ZMYM4: variants seen among roughly 807,000 people sequenced by gnomAD.
ZMYM4 encodes zinc finger MYM-type containing 4.
ZMYM4 carries 31 observed loss-of-function variants against 183.2 expected under a neutral mutation model. That is an observed-to-expected ratio of 0.17 (90% CI 0.13 to 0.23). The LOEUF (loss-of-function observed/expected upper bound fraction) is 0.23, where lower values mean the gene tolerates loss of function less well. ZMYM4 is among the 10% of genes least tolerant of loss of function. The pLI, the probability that ZMYM4 is intolerant of heterozygous loss-of-function variation, is 1.00. For missense variants in ZMYM4, 1,273 were observed against 1,840.3 expected, an observed-to-expected ratio of 0.69 and a Z score of 5.64; for synonymous variants, 592 against 631.2, an observed-to-expected ratio of 0.94 and a Z score of 0.93.
rs1377061881 is a variant in ZMYM4, at chr1:35,389,076, C to A, written c.2430C>A (p.Phe810Leu). The change falls in exon 14 of 30, where the codon TTC becomes TTA. Residue 810 changes from phenylalanine (F) to leucine (L), a missense_variant. Coordinates refer to ENST00000314607, the MANE Select transcript of ZMYM4 (RefSeq NM_005095.3). This position sits in a 1 kb window ranked among gnomAD's most constrained non-coding sequence, Gnocchi z 4.0. ...GCATGTCCAAATATACAGTTTTGTT[C>A]TATCAGGTAAATAGAATTCACATTC... is the stretch of plus-strand genomic sequence containing the variant. ...EECMSKYTVL[F>L]YQMAKCDACK... 1.2e-6 allele frequency: 2 copies of A among 1,612,074 alleles called. No individual in the cohort carries two copies. The highest frequency in any genetic ancestry group is 1.1e-5 in the South Asian group (1 of 90,782).
At chr1:35,383,504 C>T (rs909036715) in intron 9 of ZMYM4, among the ~76,000 whole-genome samples, 11 of 151,966 alleles carry the variant, frequency 7.2e-5, no homozygotes, top group African/African-American at 2.4e-4. Context: ...AATGTGAAAA[C>T]ACACTATAAT....
chr1:35,365,682 A>C (rs1280110277), intron 5 of ZMYM4, among the ~76,000 whole-genome samples: 1 of 152,236 alleles, frequency 6.6e-6, no homozygotes, highest in African/African-American at 2.4e-5. Flanking sequence ...CATTTGTAGT[A>C]AACTAAGAAG....
rs1303096158 is a variant in ZMYM4 at position 35,359,076 on chromosome 1, T to G, written c.237T>G (p.Leu79=). 6.2e-7 allele frequency: 1 copy of G among 1,613,790 alleles called. No individual in the cohort carries two copies. The highest frequency in any genetic ancestry group is 2.2e-5 in the East Asian group (1 of 44,848). The change falls in exon 3 of 30, where the codon CTT becomes CTG. Residue 79 remains leucine, a synonymous_variant. Transcript: ENST00000314607. ...EDDYFLNSGD[L]AGIPVVGSDN... ...ATTATTTTTTGAACTCTGGGGATCT[T>G]GCAGGAATTCCAGTCGTTGGTAGTG...
intron 1 of ZMYM4, among the ~76,000 whole-genome samples, chr1:35,301,593 A>G (rs948468045): frequency 6.6e-6 from 1 of 151,564 alleles, no homozygotes; most frequent in Non-Finnish European, 1.5e-5. Flanking sequence ...TTGATGGAAC[A>G]TGAACTATTT....
At chr1:35,385,404 A>G in intron 9 of ZMYM4, 38 bp from the exon 10 acceptor site, 3 of 1,578,326 alleles carry the variant, frequency 1.9e-6, no homozygotes, top group Non-Finnish European at 1.7e-6. Context: ...TTTACTAGGA[A>G]TTTGTTAAAA....
rs1280618708 is a variant in ZMYM4, at chr1:35,419,451, T to A, written c.4440-19T>A. The stretch of plus-strand genomic sequence containing the variant: ...TTCTAATTTTCTTTTTTCTCTTTTT[T>A]TTTTTCCCCTGTGGATAGTTCTGAA... On this transcript the variant is annotated intron_variant, in intron 29 of 29. Transcript: ENST00000314607. 6.2e-7 allele frequency: 1 copy of A among 1,605,650 alleles called. No individual in the cohort carries two copies. Among genetic ancestry groups the A allele is most frequent in the Admixed American group, 1.7e-5 (1 of 57,658 alleles).
intron 1 of ZMYM4, among the ~76,000 whole-genome samples, chr1:35,269,393 C>G (rs1639482095): frequency 3.8e-5 from 1 of 26,496 alleles, no homozygotes; most frequent in African/African-American, 5.3e-5. Context: ...TTAAGTGCAT[C>G]TTTAGTGCAT....
chr1:35,364,948 A>C (rs1644032996), intron 5 of ZMYM4, among the ~76,000 whole-genome samples: 1 of 152,182 alleles, frequency 6.6e-6, no homozygotes, highest in African/African-American at 2.4e-5. Context: ...TGGATTTGCC[A>C]GTCATTGTCC....
intron 27 of ZMYM4, among the ~76,000 whole-genome samples, chr1:35,414,439 T>G (rs1447461656): frequency 6.6e-6 from 1 of 152,216 alleles, no homozygotes; most frequent in Non-Finnish European, 1.5e-5. Context: ...TTAAGAGAGT[T>G]AAGTCCTCGT....
At chr1:35,355,387 C>T (rs910543116) in intron 2 of ZMYM4, among the ~76,000 whole-genome samples, 2 of 152,072 alleles carry the variant, frequency 1.3e-5, no homozygotes, top group African/African-American at 4.8e-5. Flanking sequence ...CATTACCAAC[C>T]TGCTGTGTGA....
At chr1:35,377,094 A>G (rs564377918) in intron 7 of ZMYM4, among the ~76,000 whole-genome samples, 2 of 151,790 alleles carry the variant, frequency 1.3e-5, no homozygotes, top group South Asian at 4.2e-4. Flanking sequence ...TATAGTAGAG[A>G]CGGGGTTTCG....
At chr1:35,352,269 G>GCGCACACACA (rs1366886543) in intron 2 of ZMYM4, among the ~76,000 whole-genome samples, 4 of 124,526 alleles carry the variant, frequency 3.2e-5, no homozygotes, top group South Asian at 5.2e-4. Context: ...ACGCGCGCGC[G>GCGCACACACA]CACACACACA....
chr1:35,332,478 A>G (rs1004485191), intron 2 of ZMYM4, among the ~76,000 whole-genome samples: 2 of 150,648 alleles, frequency 1.3e-5, no homozygotes, highest in Admixed American at 6.6e-5. Context: ...AGTTGACTGA[A>G]TGGCTTGATG....
At chr1:35,414,618 G>A (rs1484953477) in intron 27 of ZMYM4, among the ~76,000 whole-genome samples, 1 of 152,206 alleles carries the variant, frequency 6.6e-6, no homozygotes, top group East Asian at 1.9e-4. Flanking sequence ...ACAGGAGTTT[G>A]CAAACTATGG....
Position 35,361,179 on chromosome 1 carries a change from T to TG in ZMYM4, c.608-15_608-14insG. ...ATATACATGTGTTTGTTTGTTTTTT[T>TG]TTTCCTTTCAATAGCTAATCAAGTT... On this transcript the variant is annotated splice_polypyrimidine_tract_variant and intron_variant, in intron 3 of 29. Coordinates refer to ENST00000314607, the MANE Select transcript of ZMYM4 (RefSeq NM_005095.3). 1 of 1,577,612 alleles carries TG rather than the reference T, an allele frequency of 6.3e-7. No individual in the cohort carries two copies. Among genetic ancestry groups the TG allele is most frequent in the Non-Finnish European group, 8.6e-7 (1 of 1,166,684 alleles).
At chr1:35,294,333 A>G (rs1557934315) in intron 1 of ZMYM4, among the ~76,000 whole-genome samples, 1 of 152,194 alleles carries the variant, frequency 6.6e-6, no homozygotes, top group Non-Finnish European at 1.5e-5. Flanking sequence ...TCAATATTAT[A>G]AAAGTATGTG....
chr1:35,385,914 TTA>T (rs1207033839), intron 10 of ZMYM4, among the ~76,000 whole-genome samples, 158 bp from the exon 11 acceptor site: 2 of 152,194 alleles, frequency 1.3e-5, no homozygotes, highest in Admixed American at 1.3e-4. Flanking sequence ...ATTTTCAGTA[TTA>T]TGTTAGTTTT....
intron 2 of ZMYM4, among the ~76,000 whole-genome samples, chr1:35,342,215 C>T (rs113595716): frequency 2.3e-4 from 35 of 151,880 alleles, no homozygotes; most frequent in Non-Finnish European, 4.3e-4. Flanking sequence ...AGTGCAGTGG[C>T]GCGACCTCAG....
At chr1:35,293,299 C>T (rs1640851409) in intron 1 of ZMYM4, among the ~76,000 whole-genome samples, 1 of 151,984 alleles carries the variant, frequency 6.6e-6, no homozygotes, top group Non-Finnish European at 1.5e-5. Context: ...ACCACCATAC[C>T]ATGCCATTAA....
Sources: allele counts gnomAD v4.1 joint callset (sites outside exome capture counted in the v4.1 genomes callset), GRCh38; gene constraint gnomAD v4.1.1; non-coding constraint Gnocchi (gnomAD v3.1); transcripts MANE v1.5; gene names NCBI Gene and HGNC (gene_info 2026-07-23, HGNC 2026-07-21).